The following TNS3 variants were observed in gnomAD, a reference collection of about 807,000 sequenced individuals.
TNS3 encodes the protein tensin 3.
Under a neutral mutation model 140.9 loss-of-function variants are expected in TNS3, and 45 were observed. The observed-to-expected ratio is 0.32, with a 90% CI of 0.25 to 0.41. The LOEUF (loss-of-function observed/expected upper bound fraction) is 0.41, where lower values mean the gene tolerates loss of function less well. Among genes scored for constraint, TNS3 ranks in the 10% least tolerant of loss-of-function variants. TNS3 has a pLI of 1.00. For missense variants in TNS3, 1,716 were observed against 1,906.7 expected (o/e 0.90, Z 1.86); for synonymous variants, 815 against 788.4 (o/e 1.03, Z -0.56).
At chr7:47,335,915 CAG>C (rs1788605334) in intron 20 of TNS3, among the ~76,000 whole-genome samples, 1 of 152,078 alleles carries the variant, frequency 6.6e-6, no homozygotes, top group South Asian at 2.1e-4. Flanking sequence ...AGCATTTGAC[CAG>C]AGAGAGAAGA....
intron 1 of TNS3, among the ~76,000 whole-genome samples, chr7:47,555,993 TGTGC>T (rs1800185224): frequency 6.6e-6 from 1 of 152,230 alleles, no homozygotes; most frequent in Admixed American, 6.5e-5. Flanking sequence ...TACATGTAGG[TGTGC>T]ATGCATGCAT....
chr7:47,346,360 T>C lies in TNS3; in HGVS notation c.2282-4A>G. ...AGGGGCTGTTCAGCAGAGGAGCCTG[T>C]TAAAAGGGAGACAAGCAGGCTGCAG... is the stretch of plus-strand genomic sequence containing the variant. On this transcript the variant is annotated splice_polypyrimidine_tract_variant and splice_region_variant and intron_variant, in intron 17 of 30. Transcript: ENST00000311160. The C allele has an allele frequency of 6.2e-7, 1 of 1,613,738 alleles. No homozygotes were observed. Among genetic ancestry groups the C allele is most frequent in the Non-Finnish European group, 8.5e-7 (1 of 1,179,800 alleles).
intron 28 of TNS3, among the ~76,000 whole-genome samples, chr7:47,281,563 C>A (rs1348575314): frequency 1.2e-4 from 18 of 152,250 alleles, no homozygotes; most frequent in Admixed American, 1.1e-3. Flanking sequence ...CAGCCCCTCT[C>A]AAACAGGTGC....
chr7:47,418,529 T>C (rs1449604751), intron 10 of TNS3, among the ~76,000 whole-genome samples: 2 of 152,186 alleles, frequency 1.3e-5, no homozygotes, highest in African/African-American at 4.8e-5. Flanking sequence ...CAACACAGTT[T>C]TCAGAGCTGG....
intron 17 of TNS3, among the ~76,000 whole-genome samples, chr7:47,365,636 C>T (rs959581231): frequency 1.3e-5 from 2 of 151,768 alleles, no homozygotes; most frequent in Non-Finnish European, 2.9e-5. Context: ...TGATGGCGGG[C>T]GCCTGTAGTC....
At chr7:47,382,761 T>G (rs1475923065) in intron 16 of TNS3, among the ~76,000 whole-genome samples, 1 of 151,084 alleles carries the variant, frequency 6.6e-6, no homozygotes, top group Non-Finnish European at 1.5e-5. Flanking sequence ...AAAAGTGGAC[T>G]CTCCATATAC....
In TNS3 at chr7:47,343,873, T is replaced by G. The variant is rs147315304; in HGVS notation, c.2650+882A>C. Among the ~76,000 whole-genome samples, 473 of 152,302 alleles carry G rather than the reference T, an allele frequency of 3.1e-3. 4 individuals carry two copies. Among genetic ancestry groups the G allele is most frequent in the South Asian group, 0.019 (92 of 4,826 alleles). On this transcript the variant is annotated intron_variant, in intron 20 of 30. Transcript: ENST00000311160. ...AGGGAATTTTAGGAGAAGGATGTCT[T>G]TCTATTACATAGTCCACAGGCTTGG... is the stretch of plus-strand genomic sequence containing the variant.
intron 20 of TNS3, among the ~76,000 whole-genome samples, chr7:47,308,977 T>C (rs143332798): frequency 2.0e-5 from 3 of 152,352 alleles, no homozygotes; most frequent in Non-Finnish European, 4.4e-5. Context: ...CAAGTCATTG[T>C]GGTCCCCTGG....
At chr7:47,333,052 C>T (rs1302102720) in intron 20 of TNS3, among the ~76,000 whole-genome samples, 1 of 152,090 alleles carries the variant, frequency 6.6e-6, no homozygotes, top group African/African-American at 2.4e-5. Flanking sequence ...GACATGGGGA[C>T]ACTTCCAAGC....
intron 3 of TNS3, among the ~76,000 whole-genome samples, chr7:47,498,138 G>A (rs1315346015): frequency 6.6e-6 from 1 of 152,214 alleles, no homozygotes; most frequent in African/African-American, 2.4e-5. Context: ...TCTCAGGTTA[G>A]AACTGGTCAA....
intron 1 of TNS3, among the ~76,000 whole-genome samples, chr7:47,531,359 AC>A (rs1208705988): frequency 6.6e-6 from 1 of 152,204 alleles, no homozygotes; most frequent in African/African-American, 2.4e-5. Context: ...ATAAAAGTGA[AC>A]CAAAAACTTC....
chr7:47,428,890 A>G (rs1396639892), intron 8 of TNS3, among the ~76,000 whole-genome samples: 1 of 152,138 alleles, frequency 6.6e-6, no homozygotes, highest in African/African-American at 2.4e-5. Flanking sequence ...TAAAGGAACC[A>G]CTGTCCCAGG....
intron 2 of TNS3, among the ~76,000 whole-genome samples, chr7:47,523,907 T>C (rs1450051167): frequency 6.6e-6 from 1 of 152,172 alleles, no homozygotes; most frequent in Non-Finnish European, 1.5e-5. Flanking sequence ...GCAGAAGAGC[T>C]TCACCATATG....
intron 17 of TNS3, among the ~76,000 whole-genome samples, chr7:47,364,848 T>C (rs1265303182): frequency 6.6e-6 from 1 of 152,166 alleles, no homozygotes; most frequent in Non-Finnish European, 1.5e-5. Flanking sequence ...TGTGGCAGGG[T>C]TCCTACAAGA....
intron 1 of TNS3, among the ~76,000 whole-genome samples, chr7:47,551,614 G>A (rs1800065066): frequency 6.6e-6 from 1 of 152,220 alleles, no homozygotes; most frequent in South Asian, 2.1e-4. Context: ...AGTCTACAAT[G>A]AGAACTACGA....
chr7:47,473,252 G>A (rs886869346), intron 4 of TNS3, among the ~76,000 whole-genome samples: 2 of 152,164 alleles, frequency 1.3e-5, no homozygotes, highest in Non-Finnish European at 2.9e-5. Flanking sequence ...TGTTGAGTTT[G>A]GCTCTTCTGA....
intron 1 of TNS3, among the ~76,000 whole-genome samples, chr7:47,537,040 C>T (rs1799624326): frequency 6.6e-6 from 1 of 151,798 alleles, no homozygotes; most frequent in Non-Finnish European, 1.5e-5. Flanking sequence ...CTGGCGCCGG[C>T]GCCGGCGCGA....
At position 47,473,085 on chromosome 7, in the gene TNS3, G is replaced by A. The variant is rs865849046; in HGVS notation, c.-76+8018C>T. Among the ~76,000 whole-genome samples, 9 of 152,136 alleles carry A rather than the reference G, an allele frequency of 5.9e-5. 1 individual carries two copies. The Middle Eastern group carries it at 9.5e-3, about 160-fold the overall frequency. ...CGACTGCTCAGCATCCACACCCATC[G>A]TCCTCCACCGTGCCCTGCCAATGCC... On this transcript the variant is annotated intron_variant, in intron 4 of 30. Coordinates refer to ENST00000311160, the MANE Select transcript of TNS3 (RefSeq NM_022748.12).
At chr7:47,444,760 C>T (rs775037726) in intron 4 of TNS3, among the ~76,000 whole-genome samples, 10 of 152,180 alleles carry the variant, frequency 6.6e-5, no homozygotes, top group African/African-American at 2.2e-4. Flanking sequence ...GTTCAAACCC[C>T]GAAACCATAC....
Sources: gnomAD v4.1 joint callset for allele counts (sites outside exome capture counted in the v4.1 genomes callset) on GRCh38, gnomAD v4.1.1 for gene constraint, MANE v1.5 for transcripts, NCBI Gene and HGNC (gene_info 2026-07-23, HGNC 2026-07-21) for gene names.